MITF: variants seen among roughly 807,000 people sequenced by gnomAD.
The protein encoded by MITF is melanocyte inducing transcription factor.
In MITF, 17 loss-of-function variants were observed where a neutral mutation model predicts 60.5. That is an observed-to-expected ratio of 0.28 (90% confidence interval 0.19 to 0.42). The LOEUF is 0.42. Among genes scored for constraint, MITF ranks in the 10% least tolerant of loss-of-function variants. The pLI, the probability that MITF is intolerant of heterozygous loss-of-function variation, is 1.00. For synonymous variants in MITF, 260 were observed against 248.5 expected (o/e 1.05, Z -0.43); for missense variants, 622 against 683.5 (o/e 0.91, Z 1.00).
rs190096451 is a variant in MITF at position 69,781,803 on chromosome 3, G to A, written c.104+42102G>A. On this transcript the variant is annotated intron_variant, in intron 1 of 9. Coordinates refer to ENST00000352241, the MANE Select transcript of MITF (RefSeq NM_001354604.2). Reference sequence around the variant, plus strand: ...GTTAGTCTGAGCTCCCTGCTGTTCAGGCTTTCTGAATTTGAGTGATTCCAA... The same window carrying A: ...GTTAGTCTGAGCTCCCTGCTGTTCAAGCTTTCTGAATTTGAGTGATTCCAA... Among the ~76,000 whole-genome samples, 125 of 152,300 alleles carry A rather than the reference G, an allele frequency of 8.2e-4. 1 individual carries two copies. The highest frequency in any genetic ancestry group is 1.6e-3 in the Non-Finnish European group (112 of 68,028).
intron 5 of MITF, among the ~76,000 whole-genome samples, chr3:69,943,001 G>C (rs549867915): frequency 6.6e-6 from 1 of 151,138 alleles, no homozygotes; most frequent in Admixed American, 6.6e-5. Flanking sequence ...TAAAATCATT[G>C]ACTTTTTTTG....
At chr3:69,949,536 G>T (rs1235149585) in intron 6 of MITF, among the ~76,000 whole-genome samples, 2 of 151,950 alleles carry the variant, frequency 1.3e-5, no homozygotes, top group African/African-American at 4.8e-5. Context: ...GCCCCTAGAG[G>T]CATTTGCATT....
At chr3:69,939,958 A>G (rs1431916099) in intron 4 of MITF, among the ~76,000 whole-genome samples, 1 of 152,220 alleles carries the variant, frequency 6.6e-6, no homozygotes, top group East Asian at 1.9e-4. Context: ...AAAACAAATA[A>G]AAGTGGTGTC....
At chr3:69,930,253 G>C (rs2065688342) in intron 2 of MITF, among the ~76,000 whole-genome samples, 1 of 152,118 alleles carries the variant, frequency 6.6e-6, no homozygotes, top group Non-Finnish European at 1.5e-5. Flanking sequence ...TGGGAGTGTA[G>C]ATAGATGAAA....
At chr3:69,952,033 C>A in intron 7 of MITF, 147 bp downstream of exon 7, 1 of 680,434 alleles carries the variant, frequency 1.5e-6, no homozygotes, top group Non-Finnish European at 2.7e-6. Context: ...TGACAGAAAC[C>A]AAGGTATATA....
chr3:69,823,528 C>G (rs893606007), intron 1 of MITF, among the ~76,000 whole-genome samples: 3 of 152,136 alleles, frequency 2.0e-5, no homozygotes, highest in Non-Finnish European at 2.9e-5. Flanking sequence ...ATGACCTCAT[C>G]TAAACTCAAT....
rs376838673 is a variant in MITF at position 69,958,709 on chromosome 3, A to G, written c.1032-564A>G. ...TTTTAGAAACCTATAACTCTTTAAC[A>G]TAGTGTTTAAGGAAACTGACTTTGT... is the stretch of plus-strand genomic sequence containing the variant. On this transcript the variant is annotated intron_variant, in intron 8 of 9. Transcript: ENST00000352241. Among the ~76,000 whole-genome samples the G allele has an allele frequency of 2.6e-5, 4 of 152,308 alleles. No individual in the cohort carries two copies. In the East Asian group the frequency reaches 7.7e-4, roughly 29 times the overall value.
intron 9 of MITF, among the ~76,000 whole-genome samples, chr3:69,961,479 G>A (rs940267553): frequency 6.6e-6 from 1 of 151,876 alleles, no homozygotes; most frequent in African/African-American, 2.4e-5. Context: ...GGCCAAGGTG[G>A]GTGGATCACG....
At chr3:69,891,021 T>C (rs948378421) in intron 2 of MITF, among the ~76,000 whole-genome samples, 1 of 152,158 alleles carries the variant, frequency 6.6e-6, no homozygotes, top group African/African-American at 2.4e-5. Flanking sequence ...TTTCCTTAGT[T>C]TGGAGTTAGA....
chr3:69,751,941 T>A (rs1206259718), intron 1 of MITF: 1 of 152,196 alleles, frequency 6.6e-6, no homozygotes, highest in Admixed American at 6.5e-5. Flanking sequence ...TGAGATCTGG[T>A]CATTTAAAAG....
intron 6 of MITF, 28 bp from the exon 7 acceptor site, chr3:69,951,784 C>G: frequency 1.3e-6 from 2 of 1,592,426 alleles, no homozygotes; most frequent in South Asian, 1.1e-5. Flanking sequence ...ACAGTTCCAA[C>G]TTCTAATGAC....
intron 1 of MITF, among the ~76,000 whole-genome samples, chr3:69,740,373 G>C (rs945851214): frequency 6.6e-6 from 1 of 152,202 alleles, no homozygotes; most frequent in African/African-American, 2.4e-5. Context: ...TTCAAATCCA[G>C]GCCTTACCTG....
At chr3:69,920,422 G>T (rs1406446405) in intron 2 of MITF, among the ~76,000 whole-genome samples, 1 of 152,180 alleles carries the variant, frequency 6.6e-6, no homozygotes, top group Non-Finnish European at 1.5e-5. Flanking sequence ...CCATCTCCCT[G>T]TGATGCTGTG....
At chr3:69,833,506 CTG>C (rs1189927942) in intron 1 of MITF, among the ~76,000 whole-genome samples, 2 of 151,770 alleles carry the variant, frequency 1.3e-5, no homozygotes, top group African/African-American at 4.9e-5. Flanking sequence ...CCCGTTTACA[CTG>C]TATGTGGTTG....
chr3:69,767,614 C>A (rs2106825245), intron 1 of MITF, among the ~76,000 whole-genome samples: 1 of 151,974 alleles, frequency 6.6e-6, no homozygotes, highest in East Asian at 1.9e-4. Context: ...AACAAAAAAA[C>A]AAAAATAAAA....
At chr3:69,837,894 T>C (rs1320421139) in intron 1 of MITF, among the ~76,000 whole-genome samples, 1 of 152,224 alleles carries the variant, frequency 6.6e-6, no homozygotes, top group Non-Finnish European at 1.5e-5. Context: ...TCAAGACTCA[T>C]CAGTCCCCAA....
intron 5 of MITF, among the ~76,000 whole-genome samples, chr3:69,945,829 T>A (rs1201067243): frequency 6.6e-6 from 1 of 152,100 alleles, no homozygotes; most frequent in Admixed American, 6.6e-5. Context: ...CAGATATTGA[T>A]CCGGGGAAAC....
At chr3:69,755,732 C>T (rs1424885855) in intron 1 of MITF, among the ~76,000 whole-genome samples, 1 of 152,142 alleles carries the variant, frequency 6.6e-6, no homozygotes, top group Non-Finnish European at 1.5e-5. Flanking sequence ...TCATCAGTTA[C>T]AGTTTAGTCA....
At chr3:69,800,755 A>T (rs569463548) in intron 1 of MITF, among the ~76,000 whole-genome samples, 2 of 152,142 alleles carry the variant, frequency 1.3e-5, no homozygotes, top group African/African-American at 4.8e-5. Context: ...AAAATTGGAT[A>T]TTGTTCTTGT....
Sources: allele counts gnomAD v4.1 joint callset (sites outside exome capture counted in the v4.1 genomes callset), GRCh38; gene constraint gnomAD v4.1.1; transcripts MANE v1.5; gene names NCBI Gene and HGNC (gene_info 2026-07-23, HGNC 2026-07-21).